The following SH3GL2 variants were observed in gnomAD, a reference collection of about 807,000 sequenced individuals.
SH3GL2 encodes the protein endophilin-A1.
In SH3GL2, 24 loss-of-function variants were observed where a neutral mutation model predicts 46.0. The ratio of observed to expected loss-of-function variants is 0.52; its 90% confidence interval spans 0.38 to 0.73. The LOEUF (loss-of-function observed/expected upper bound fraction) is 0.73, where lower values mean the gene tolerates loss of function less well. SH3GL2 is among the 30% of genes least tolerant of loss of function. The pLI, the probability that SH3GL2 is intolerant of heterozygous loss-of-function variation, is 0.00. For missense variants in SH3GL2, 413 were observed against 424.2 expected (o/e 0.97, Z 0.23); for synonymous variants, 196 against 147.1 (o/e 1.33, Z -2.40).
chr9:17,615,811 T>G (rs1458730073), intron 1 of SH3GL2, among the ~76,000 whole-genome samples: 1 of 152,202 alleles, frequency 6.6e-6, no homozygotes, highest in Non-Finnish European at 1.5e-5. Flanking sequence ...AGGAAAATTT[T>G]TAATGCTAAC....
At chr9:17,658,374 A>G (rs1022536165) in intron 1 of SH3GL2, among the ~76,000 whole-genome samples, 3 of 152,198 alleles carry the variant, frequency 2.0e-5, no homozygotes, top group African/African-American at 4.8e-5. Context: ...TTCCAGGGAC[A>G]TATTTTATTT....
At chr9:17,686,130 A>G (rs1258347051) in intron 1 of SH3GL2, among the ~76,000 whole-genome samples, 14 of 136,378 alleles carry the variant, frequency 1.0e-4, no homozygotes, top group Middle Eastern at 3.6e-3. Context: ...TGGGCGAAGG[A>G]CATGAACAGA....
intron 1 of SH3GL2, among the ~76,000 whole-genome samples, chr9:17,660,470 T>A (rs1331922734): frequency 6.6e-6 from 1 of 152,204 alleles, no homozygotes. Context: ...TAAATGAATG[T>A]TTTGGTTGAA....
At chr9:17,656,788 CA>C (rs3084636) in intron 1 of SH3GL2, among the ~76,000 whole-genome samples, 10 of 132,442 alleles carry the variant, frequency 7.6e-5, no homozygotes, top group Non-Finnish European at 9.5e-5. Context: ...AAAAAAAAAA[CA>C]AAAAAGGCTT....
At chr9:17,742,345 A>G (rs978422743) in intron 1 of SH3GL2, among the ~76,000 whole-genome samples, 1 of 152,180 alleles carries the variant, frequency 6.6e-6, no homozygotes, top group African/African-American at 2.4e-5. Flanking sequence ...CTTTGGGCTG[A>G]GAACAGTGGC....
chr9:17,692,689 G>C (rs61484753), intron 1 of SH3GL2, among the ~76,000 whole-genome samples: 4,112 of 152,114 alleles, frequency 0.027, 178 homozygotes, highest in African/African-American at 0.095. Context: ...AGGAGGGGCA[G>C]AGGTGGATAA....
intron 1 of SH3GL2, among the ~76,000 whole-genome samples, chr9:17,707,134 G>T (rs16923323): frequency 2.0e-4 from 30 of 152,084 alleles, no homozygotes; most frequent in African/African-American, 6.7e-4. Context: ...GCAAATTTCT[G>T]TATCCTGACT....
At chr9:17,679,589 CT>C (rs1021549264) in intron 1 of SH3GL2, among the ~76,000 whole-genome samples, 8 of 152,292 alleles carry the variant, frequency 5.3e-5, no homozygotes, top group African/African-American at 1.9e-4. Context: ...GACAATTTGA[CT>C]TCCTCTTTTC....
At chr9:17,651,355 G>A (rs1204968659) in intron 1 of SH3GL2, among the ~76,000 whole-genome samples, 1 of 151,790 alleles carries the variant, frequency 6.6e-6, no homozygotes, top group Admixed American at 6.6e-5. Context: ...TCTTCTTTCT[G>A]CATTTATTTA....
chr9:17,608,482 A>G (rs142643855), intron 1 of SH3GL2, among the ~76,000 whole-genome samples: 1 of 152,318 alleles, frequency 6.6e-6, no homozygotes, highest in African/African-American at 2.4e-5. Flanking sequence ...AATACAATGA[A>G]CAGATTTGGT....
intron 3 of SH3GL2, among the ~76,000 whole-genome samples, chr9:17,779,894 A>G (rs753187722): frequency 2.6e-5 from 4 of 152,128 alleles, no homozygotes; most frequent in Admixed American, 6.6e-5. Context: ...CCACTCTAAA[A>G]TCTTCTCTTT....
chr9:17,709,602 A>G (rs756770694), intron 1 of SH3GL2, among the ~76,000 whole-genome samples: 8 of 151,856 alleles, frequency 5.3e-5, no homozygotes, highest in African/African-American at 1.9e-4. Flanking sequence ...TACATGTTAC[A>G]TATAAAGAAA....
intron 4 of SH3GL2, 67 bp from the exon 5 acceptor site, chr9:17,787,312 AG>A (rs1823988734): frequency 1.5e-6 from 2 of 1,298,386 alleles, no homozygotes; most frequent in South Asian, 1.3e-5. Context: ...TCATCTGTGA[AG>A]GGCCCTGTTA....
At chr9:17,592,311 C>T (rs899705520) in intron 1 of SH3GL2, among the ~76,000 whole-genome samples, 1 of 152,216 alleles carries the variant, frequency 6.6e-6, no homozygotes, top group African/African-American at 2.4e-5. Context: ...TCTACTGATT[C>T]AGATGCTAAT....
At chr9:17,747,501 C>T (rs552697012) in intron 2 of SH3GL2, among the ~76,000 whole-genome samples, 5 of 152,052 alleles carry the variant, frequency 3.3e-5, no homozygotes, top group African/African-American at 4.8e-5. Context: ...GAGTTTAAGT[C>T]ACTTTCTGGC....
chr9:17,692,078 G>A (rs946227023), intron 1 of SH3GL2, among the ~76,000 whole-genome samples: 27 of 152,130 alleles, frequency 1.8e-4, no homozygotes, highest in African/African-American at 6.3e-4. Flanking sequence ...TTTTGAAATC[G>A]TAAAGTGTTG....
At chr9:17,709,438 A>G (rs1821560046) in intron 1 of SH3GL2, among the ~76,000 whole-genome samples, 1 of 151,928 alleles carries the variant, frequency 6.6e-6, no homozygotes, top group Non-Finnish European at 1.5e-5. Flanking sequence ...GATACCCCTC[A>G]GCAGAGAGAG....
At chr9:17,650,344 T>C (rs182820351) in intron 1 of SH3GL2, among the ~76,000 whole-genome samples, 80 of 152,276 alleles carry the variant, frequency 5.3e-4, no homozygotes, top group Non-Finnish European at 1.0e-4. Flanking sequence ...TGAAGATTAT[T>C]TGAGGTGATA....
chr9:17,793,238 T>C (rs1045402885), intron 7 of SH3GL2, 129 bp from the exon 8 acceptor site: 24 of 811,150 alleles, frequency 3.0e-5, no homozygotes, highest in Non-Finnish European at 4.4e-5. Flanking sequence ...GGGTCCTTTT[T>C]TGATTTCCCA....
Sources: allele counts gnomAD v4.1 joint callset (sites outside exome capture counted in the v4.1 genomes callset), GRCh38; gene constraint gnomAD v4.1.1; transcripts MANE v1.5; gene names NCBI Gene and HGNC (gene_info 2026-07-23, HGNC 2026-07-21).